Variants in DHRSX observed in about 807,000 individuals in gnomAD.
DHRSX encodes polyprenol dehydrogenase.
Under a neutral mutation model 34.0 loss-of-function variants are expected in DHRSX, and 31 were observed. That is an observed-to-expected ratio of 0.91 (90% CI 0.69 to 1.23). The LOEUF (loss-of-function observed/expected upper bound fraction) is 1.23. DHRSX is among the 50% of genes most tolerant of loss of function. DHRSX has a pLI of 0.00. For synonymous variants in DHRSX, 201 were observed against 183.8 expected (o/e 1.09, Z -0.76); for missense variants, 414 against 428.1 (o/e 0.97, Z 0.29).
intron 1 of DHRSX, among the ~76,000 whole-genome samples, chrX:2,469,324 G>C (rs767686000): frequency 1.4e-5 from 2 of 138,182 alleles, no homozygotes; most frequent in East Asian, 2.3e-4. Context: ...ATAAGGGACC[G>C]CCGCCATGTA....
rs776468685 is a variant in DHRSX at position 2,231,554 on chromosome X, T to C, written c.805-10325A>G. ...CTCCTATTCTTCTATCCCTTCCTCT[T>C]CCTTTTTCTCTCTTCTTCCTCCTCC... On this transcript the variant is annotated intron_variant, in intron 6 of 6. Transcript: ENST00000334651. 2.6e-5 allele frequency among the ~76,000 whole-genome samples: 4 copies of C among 150,992 alleles called. No homozygotes were observed. The South Asian group carries it at 8.5e-4, about 32-fold the overall frequency.
intron 1 of DHRSX, among the ~76,000 whole-genome samples, chrX:2,477,314 A>G (rs948203578): frequency 1.3e-5 from 2 of 152,192 alleles, no homozygotes; most frequent in Non-Finnish European, 2.9e-5. Flanking sequence ...GCCGTGATTA[A>G]GGTGCCCACA....
At chrX:2,420,621 T>C (rs1414736285) in intron 2 of DHRSX, among the ~76,000 whole-genome samples, 1 of 150,366 alleles carries the variant, frequency 6.7e-6, no homozygotes, top group Non-Finnish European at 1.5e-5. Flanking sequence ...TGTGCTCCTG[T>C]AGTCCCAGCT....
At chrX:2,448,808 C>A (rs1026264809) in intron 1 of DHRSX, among the ~76,000 whole-genome samples, 2 of 152,146 alleles carry the variant, frequency 1.3e-5, no homozygotes, top group African/African-American at 4.8e-5. Context: ...TTAATGGTGT[C>A]TCTTCTTAAT....
chrX:2,396,378 T>TC (rs1363800822), intron 3 of DHRSX, among the ~76,000 whole-genome samples: 128 of 138,364 alleles, frequency 9.3e-4, no homozygotes, highest in African/African-American at 3.3e-3. Flanking sequence ...TCTTTTTCTT[T>TC]TTTTTTTTTT....
chrX:2,452,900 T>TA (rs1376215356), intron 1 of DHRSX, among the ~76,000 whole-genome samples: 1 of 152,212 alleles, frequency 6.6e-6, no homozygotes, highest in East Asian at 1.9e-4. Flanking sequence ...ACTGGGTGTG[T>TA]ACCCATCAAT....
chrX:2,494,169 C>G (rs1332439014), intron 1 of DHRSX, among the ~76,000 whole-genome samples: 5 of 151,714 alleles, frequency 3.3e-5, no homozygotes, highest in Non-Finnish European at 5.9e-5. Context: ...TGAAAGAAGT[C>G]CCAGTGCCTG....
chrX:2,346,878 TTA>T (rs1219615783), intron 3 of DHRSX, among the ~76,000 whole-genome samples: 1 of 151,946 alleles, frequency 6.6e-6, no homozygotes, highest in African/African-American at 2.4e-5. Flanking sequence ...CAACTCCCAC[TTA>T]TGAGTGAGAA....
chrX:2,308,057 T>C (rs1343076814), intron 3 of DHRSX, among the ~76,000 whole-genome samples: 4 of 152,136 alleles, frequency 2.6e-5, no homozygotes, highest in Admixed American at 6.6e-5. Flanking sequence ...CCTTCAACGA[T>C]ACCTTCATTC....
In DHRSX at chrX:2,490,278, T is replaced by C. The variant is rs140653056; in HGVS notation, c.109+10539A>G. ...GCCGTCTTCAGCAGCACCTTGAAGG[T>C]GGGCTCGTCCACGATGGAGGCTGGG... is the stretch of plus-strand genomic sequence containing the variant. On this transcript the variant is annotated intron_variant, in intron 1 of 6. Coordinates refer to ENST00000334651, the MANE Select transcript of DHRSX (RefSeq NM_145177.3). The C allele has an allele frequency of 1.0e-3, 1,637 of 1,613,718 alleles. 2 individuals carry two copies. The highest frequency in any genetic ancestry group is 1.2e-3 in the Non-Finnish European group (1,467 of 1,179,858).
At chrX:2,287,652 A>G (rs1335060397) in intron 4 of DHRSX, among the ~76,000 whole-genome samples, 1 of 152,172 alleles carries the variant, frequency 6.6e-6, no homozygotes, top group East Asian at 1.9e-4. Context: ...AGATGTCCAC[A>G]TCCTAATCCC....
intron 3 of DHRSX, among the ~76,000 whole-genome samples, chrX:2,397,676 T>C (rs1340735034): frequency 6.6e-6 from 1 of 151,994 alleles, no homozygotes; most frequent in Non-Finnish European, 1.5e-5. Flanking sequence ...TTAATTCTTA[T>C]CTGTTAAATA....
intron 1 of DHRSX, among the ~76,000 whole-genome samples, chrX:2,493,814 A>G (rs1327384413): frequency 1.3e-5 from 2 of 152,106 alleles, no homozygotes. Context: ...TACTAAAAAT[A>G]CAAAATTAGC....
intron 4 of DHRSX, among the ~76,000 whole-genome samples, chrX:2,289,230 G>C (rs1467142594): frequency 6.6e-6 from 1 of 151,574 alleles, no homozygotes; most frequent in African/African-American, 2.4e-5. Flanking sequence ...CGATTCTCCT[G>C]CCTCAGCCTC....
Position 2,284,956 on chromosome X carries a change from A to G in DHRSX, c.388+6546T>C, listed in dbSNP as rs185417457. ...GTAGCTCCTTCTTGCCTTGGAAGTC[A>G]CCCTGGCTGAGCTCAGCTGGGGCTG... On this transcript the variant is annotated intron_variant, in intron 4 of 6. Coordinates refer to ENST00000334651, the MANE Select transcript of DHRSX (RefSeq NM_145177.3). Among the ~76,000 whole-genome samples the G allele has an allele frequency of 1.2e-4, 18 of 152,302 alleles. No homozygotes were observed. In the East Asian group the frequency reaches 3.5e-3, roughly 29 times the overall value.
At chrX:2,248,818 C>G (rs1263815719) in intron 5 of DHRSX, among the ~76,000 whole-genome samples, 2 of 152,100 alleles carry the variant, frequency 1.3e-5, no homozygotes, top group Non-Finnish European at 2.9e-5. Context: ...GACCGTCAGC[C>G]TTAGATCACA....
intron 5 of DHRSX, among the ~76,000 whole-genome samples, chrX:2,250,214 G>A (rs1325887845): frequency 8.6e-5 from 13 of 151,684 alleles, no homozygotes; most frequent in South Asian, 6.3e-4. Flanking sequence ...TTTTCTGGCT[G>A]GGTGCAGTGG....
chrX:2,423,464 C>T (rs1488538295), intron 2 of DHRSX, among the ~76,000 whole-genome samples: 2 of 151,874 alleles, frequency 1.3e-5, no homozygotes, highest in Non-Finnish European at 2.9e-5. Flanking sequence ...TGGTGGTGCA[C>T]GCCTGTCATA....
intron 1 of DHRSX, among the ~76,000 whole-genome samples, chrX:2,485,798 AGAAGGAAGGAAGGGAGAGAAG>A (rs1462151158): frequency 4.8e-4 from 14 of 29,034 alleles, no homozygotes; most frequent in South Asian, 6.1e-3. Flanking sequence ...GAGAAGGGAG[AGAAGGAAGGAAGGGAGAGAAG>A]GAAGGAAGGG....
Sources: gnomAD v4.1 joint callset for allele counts (sites outside exome capture counted in the v4.1 genomes callset) on GRCh38, gnomAD v4.1.1 for gene constraint, MANE v1.5 for transcripts, NCBI Gene and HGNC (gene_info 2026-07-23, HGNC 2026-07-21) for gene names.